The following LPP variants were observed in gnomAD, a reference collection of about 807,000 sequenced individuals.
LPP encodes lipoma-preferred partner.
LPP carries 38 observed loss-of-function variants against 60.4 expected under a neutral mutation model. The observed-to-expected ratio is 0.63, with a 90% CI of 0.49 to 0.83. The LOEUF is 0.83. LPP is among the 40% of genes least tolerant of loss of function. The pLI is 0.00. For missense variants in LPP, 902 were observed against 783.6 expected (o/e 1.15, Z -1.80); for synonymous variants, 328 against 290.8 (o/e 1.13, Z -1.30).
At chr3:188,405,456 T>G (rs940923373) in intron 3 of LPP, among the ~76,000 whole-genome samples, 5 of 152,208 alleles carry the variant, frequency 3.3e-5, no homozygotes, top group Non-Finnish European at 7.3e-5. Flanking sequence ...CCAAGCACAC[T>G]AAACGTAAAT....
At chr3:188,399,167 CA>C (rs1781652407) in intron 3 of LPP, among the ~76,000 whole-genome samples, 1 of 152,140 alleles carries the variant, frequency 6.6e-6, no homozygotes, top group South Asian at 2.1e-4. Context: ...ACAGTGGGCT[CA>C]TGGCGGAGCC....
At chr3:188,802,128 A>G (rs1253980186) in intron 9 of LPP, among the ~76,000 whole-genome samples, 1 of 152,232 alleles carries the variant, frequency 6.6e-6, no homozygotes, top group Non-Finnish European at 1.5e-5. Context: ...TCTCTGAAAT[A>G]TAACAAAGTA....
Position 188,884,200 on chromosome 3 carries a change from A to G in LPP, c.*9721A>G. ...ATTCTAGAAGAGAAAGCTGAGGCTC[A>G]AGCCATTAAGTGACTTGCCAAAAGC... On this transcript the variant is annotated 3_prime_UTR_variant, in exon 12 of 12. Transcript: ENST00000617246. 4.4e-6 allele frequency: 1 copy of G among 229,000 alleles called. No individual in the cohort carries two copies. The highest frequency in any genetic ancestry group is 1.8e-4 in the South Asian group (1 of 5,478). The allele number at this position is 229,000 out of a possible 1,614,324, so 14.2% of individuals were successfully genotyped here.
chr3:188,472,214 C>G (rs918589725), intron 4 of LPP, among the ~76,000 whole-genome samples: 4 of 152,114 alleles, frequency 2.6e-5, no homozygotes, highest in Non-Finnish European at 5.9e-5. Flanking sequence ...GCTGTTTGTT[C>G]TGAGCTTCCT....
chr3:188,255,021 G>A (rs1268901214), intron 2 of LPP, among the ~76,000 whole-genome samples: 1 of 152,172 alleles, frequency 6.6e-6, no homozygotes, highest in African/African-American at 2.4e-5. Context: ...GCTTACTTAA[G>A]TATTACTCCT....
At chr3:188,667,397 G>C (rs907235864) in intron 7 of LPP, among the ~76,000 whole-genome samples, 2 of 151,262 alleles carry the variant, frequency 1.3e-5, no homozygotes, top group Non-Finnish European at 2.9e-5. Flanking sequence ...AGAATGGCGT[G>C]AACCCCAGAG....
At chr3:188,384,776 C>T (rs1373744597) in intron 3 of LPP, among the ~76,000 whole-genome samples, 5 of 81,790 alleles carry the variant, frequency 6.1e-5, no homozygotes, top group East Asian at 4.4e-4. Context: ...GGCGACAGAG[C>T]GAGACTCTGT....
At position 188,884,986 on chromosome 3, in the gene LPP, A is replaced by AT. The variant is rs770456059; in HGVS notation, c.*10510dup. ...TTGTGATTTTTTATAATTACAAGGA[A>AT]TTTGGTACCATGTTGTTTTCAAAAA... On this transcript the variant is annotated 3_prime_UTR_variant, in exon 12 of 12. Coordinates refer to ENST00000617246, the MANE Select transcript of LPP (RefSeq NM_001375462.1). The AT allele has an allele frequency of 4.7e-6, 1 of 212,320 alleles. No individual in the cohort carries two copies. Among genetic ancestry groups the AT allele is most frequent in the Admixed American group, 5.9e-5 (1 of 17,046 alleles). 13.2% of individuals were successfully genotyped at this position (212,320 alleles called of 1,614,324 possible).
chr3:188,564,110 C>T (rs1191994004), intron 6 of LPP, among the ~76,000 whole-genome samples: 1 of 151,966 alleles, frequency 6.6e-6, no homozygotes, highest in Non-Finnish European at 1.5e-5. Flanking sequence ...ATACCTTTAG[C>T]TTATTTTTTG....
rs1196846038 is a variant in LPP, at chr3:188,755,849, A to C, written c.1241-4264A>C. Among the ~76,000 whole-genome samples the C allele has an allele frequency of 1.1e-4, 11 of 100,510 alleles. 1 individual carries two copies. Among genetic ancestry groups the C allele is most frequent in the Admixed American group, 7.1e-4 (6 of 8,408 alleles). The allele number at this position is 100,510 out of a possible 152,430, so 65.9% of individuals were successfully genotyped here. Reference sequence around the variant, plus strand: ...AAAAAAAAAAAAAAAAAAAAAAAAAAAAAAAAAAAAAAAAAACAAAGAAAA... The same window carrying C: ...AAAAAAAAAAAAAAAAAAAAAAAAACAAAAAAAAAAAAAAAACAAAGAAAA... On this transcript the variant is annotated intron_variant, in intron 8 of 11. Transcript: ENST00000617246.
At chr3:188,808,560 C>T (rs992925303) in intron 9 of LPP, among the ~76,000 whole-genome samples, 9 of 152,064 alleles carry the variant, frequency 5.9e-5, no homozygotes, top group South Asian at 2.1e-4. Context: ...AGGGACAATC[C>T]GGGAGAAGTA....
intron 6 of LPP, among the ~76,000 whole-genome samples, chr3:188,535,341 G>A (rs1361767401): frequency 6.6e-6 from 1 of 152,186 alleles, no homozygotes; most frequent in Non-Finnish European, 1.5e-5. Flanking sequence ...ACTTCGGTTT[G>A]CATAACAAAG....
In LPP at chr3:188,664,255, T is replaced by A. The variant is rs1356138323; in HGVS notation, c.1114-44012T>A. ...TTAGTCTTTTCCTTCATATTAATGT[T>A]ATTCACCCATTTGGCTTAGCACCCC... is the stretch of plus-strand genomic sequence containing the variant. On this transcript the variant is annotated intron_variant, in intron 7 of 11. Coordinates refer to ENST00000617246, the MANE Select transcript of LPP (RefSeq NM_001375462.1). Among the ~76,000 whole-genome samples the A allele has an allele frequency of 2.0e-5, 3 of 152,252 alleles. No individual in the cohort carries two copies. The South Asian group carries it at 6.2e-4, about 31-fold the overall frequency.
At chr3:188,520,859 T>C (rs991536132) in intron 5 of LPP, among the ~76,000 whole-genome samples, 1 of 152,150 alleles carries the variant, frequency 6.6e-6, no homozygotes, top group Non-Finnish European at 1.5e-5. Context: ...ATTGGGAAGG[T>C]CATTTACCAG....
chr3:188,533,891 T>C (rs1290961613), intron 6 of LPP, among the ~76,000 whole-genome samples: 1 of 152,204 alleles, frequency 6.6e-6, no homozygotes, highest in Non-Finnish European at 1.5e-5. Flanking sequence ...TTCAATAACA[T>C]TTATACCTCA....
chr3:188,872,958 T>C (rs958992783), intron 11 of LPP, among the ~76,000 whole-genome samples, 195 bp downstream of exon 11: 3 of 152,346 alleles, frequency 2.0e-5, no homozygotes, highest in African/African-American at 7.2e-5. Flanking sequence ...TCTCTCAGTC[T>C]GCTTGCTCAC....
rs1345806309 is a variant in LPP at position 188,877,378 on chromosome 3, A to C, written c.*2899A>C. On this transcript the variant is annotated 3_prime_UTR_variant, in exon 12 of 12. Transcript: ENST00000617246. ...AAATATACTGATTTTGAAAAGTATC[A>C]GGAATATAAATATTTGGTAATTCTG... is the stretch of plus-strand genomic sequence containing the variant. 1.1e-5 allele frequency: 2 copies of C among 182,478 alleles called. No homozygotes were observed. The highest frequency in any genetic ancestry group is 2.3e-5 in the Non-Finnish European group (2 of 85,648). 11.3% of individuals were successfully genotyped at this position (182,478 alleles called of 1,614,324 possible).
intron 3 of LPP, among the ~76,000 whole-genome samples, chr3:188,357,611 C>G (rs995258699): frequency 6.6e-6 from 1 of 152,082 alleles, no homozygotes. Context: ...GATATTTATC[C>G]AAAATTCTGG....
chr3:188,204,089 C>T (rs1371923606), intron 1 of LPP, among the ~76,000 whole-genome samples: 1 of 152,084 alleles, frequency 6.6e-6, no homozygotes, highest in Non-Finnish European at 1.5e-5. Flanking sequence ...AATCAGAAAA[C>T]ACTCCCAAGG....
Sources: allele counts gnomAD v4.1 joint callset (sites outside exome capture counted in the v4.1 genomes callset), GRCh38; gene constraint gnomAD v4.1.1; transcripts MANE v1.5; gene names NCBI Gene and HGNC (gene_info 2026-07-23, HGNC 2026-07-21).